The following MEI4 variants were observed in gnomAD, a reference collection of about 807,000 sequenced individuals.
MEI4 encodes meiosis-specific protein MEI4.
A neutral mutation model predicts 31.4 loss-of-function variants in MEI4; 27 were observed. The ratio of observed to expected loss-of-function variants is 0.86; its 90% CI spans 0.63 to 1.19. The LOEUF is 1.19. Among genes scored for constraint, MEI4 ranks in the 50% most tolerant of loss-of-function variants. The pLI, the probability that MEI4 is intolerant of heterozygous loss-of-function variation, is 0.00. For synonymous variants in MEI4, 122 were observed against 145.4 expected (o/e 0.84, Z 1.16); for missense variants, 329 against 398.9 (o/e 0.82, Z 1.49).
rs546179256 is a variant in MEI4, at chr6:77,710,338, G to A, written c.232+19435G>A. Among the ~76,000 whole-genome samples, 6 of 151,768 alleles carry A rather than the reference G, an allele frequency of 4.0e-5. No individual in the cohort carries two copies. In the East Asian group the frequency reaches 5.8e-4, roughly 15 times the overall value. On this transcript the variant is annotated intron_variant, in intron 2 of 4. Coordinates refer to ENST00000684080, the MANE Select transcript of MEI4 (RefSeq NM_001322247.2). ...AGAGATCAAGACCATCCTGGCCAACGTGGTGAAACCCCGTCTCTACTAAGA... is the reference window on the plus strand; with the variant it reads ...AGAGATCAAGACCATCCTGGCCAACATGGTGAAACCCCGTCTCTACTAAGA...
chr6:77,760,400 TG>T (rs1368491282), intron 2 of MEI4, among the ~76,000 whole-genome samples: 4 of 152,110 alleles, frequency 2.6e-5, no homozygotes, highest in Non-Finnish European at 4.4e-5. Flanking sequence ...CAGGATGAAT[TG>T]TAAATTCACT....
At chr6:77,667,773 G>T (rs905364851) in intron 1 of MEI4, among the ~76,000 whole-genome samples, 19 of 152,164 alleles carry the variant, frequency 1.2e-4, no homozygotes, top group African/African-American at 3.6e-4. Context: ...ATGGGGGAAG[G>T]ATGTATTCCT....
At chr6:77,713,180 C>A (rs1766505115) in intron 2 of MEI4, among the ~76,000 whole-genome samples, 1 of 152,072 alleles carries the variant, frequency 6.6e-6, no homozygotes, top group Non-Finnish European at 1.5e-5. Context: ...TACACACTCT[C>A]CTGTTCTGAA....
chr6:77,736,268 T>C (rs1767211131), intron 2 of MEI4, among the ~76,000 whole-genome samples: 1 of 151,880 alleles, frequency 6.6e-6, no homozygotes, highest in Non-Finnish European at 1.5e-5. Flanking sequence ...CTCAGAGGGC[T>C]GTGCTAGCAA....
intron 4 of MEI4, among the ~76,000 whole-genome samples, chr6:77,845,087 T>C (rs1196149186): frequency 1.3e-5 from 2 of 152,106 alleles, no homozygotes; most frequent in African/African-American, 4.8e-5. Flanking sequence ...CTACTGGTGG[T>C]GACTTTCGAT....
intron 4 of MEI4, among the ~76,000 whole-genome samples, chr6:77,883,717 G>GATAGATAGATAGATATATATAT (rs1554172067): frequency 2.3e-5 from 1 of 43,338 alleles, no homozygotes; most frequent in African/African-American, 1.9e-4. Context: ...TATTATGTAA[G>GATAGATAGATAGATATATATAT]ATATATATAT....
Position 77,761,140 on chromosome 6 carries a change from C to T in MEI4, c.243C>T (p.Ser81=). Residue 81 remains serine (S), a synonymous_variant, in exon 3 of 5, where the codon TCC becomes TCT. Transcript: ENST00000684080. ...TCCTTTATTTTTCAGGATACGTTTCCTCCCAGTTGGAGGCTCAGGAACCTA... is the reference window on the plus strand; with the variant it reads ...TCCTTTATTTTTCAGGATACGTTTCTTCCCAGTTGGAGGCTCAGGAACCTA... ...CSGSFKSGYV[S]SQLEAQEPKS... The T allele has an allele frequency of 8.1e-7, 1 of 1,231,918 alleles. No individual in the cohort carries two copies. The highest frequency in any genetic ancestry group is 1.6e-5 in the African/African-American group (1 of 64,496). The allele number at this position is 1,231,918 out of a possible 1,614,324, so 76.3% of individuals were successfully genotyped here.
At chr6:77,700,542 C>A (rs1967489) in intron 2 of MEI4, among the ~76,000 whole-genome samples, 113,442 of 152,156 alleles carry the variant, frequency 0.75, 42,603 homozygotes, top group East Asian at 0.86. Context: ...CTTGCGCTTC[C>A]CGAGTGAGGC....
chr6:77,740,253 G>A (rs528797516), intron 2 of MEI4, among the ~76,000 whole-genome samples: 16 of 152,182 alleles, frequency 1.1e-4, no homozygotes, highest in Non-Finnish European at 2.2e-4. Flanking sequence ...GTGCCATGTG[G>A]TGGCACATGA....
intron 4 of MEI4, among the ~76,000 whole-genome samples, chr6:77,868,094 G>A (rs1771093592): frequency 6.6e-6 from 1 of 151,784 alleles, no homozygotes; most frequent in Non-Finnish European, 1.5e-5. Flanking sequence ...AGGAGGGATA[G>A]CATTAGGAGA....
At chr6:77,733,252 G>T (rs1767066829) in intron 2 of MEI4, among the ~76,000 whole-genome samples, 1 of 151,980 alleles carries the variant, frequency 6.6e-6, no homozygotes, top group African/African-American at 2.4e-5. Context: ...GAATCCATCT[G>T]ATCCTGGACT....
At chr6:77,785,412 G>A (rs746347737) in intron 3 of MEI4, among the ~76,000 whole-genome samples, 7 of 151,982 alleles carry the variant, frequency 4.6e-5, no homozygotes, top group Non-Finnish European at 7.4e-5. Context: ...CATATTTTCC[G>A]TATTTGCAAT....
chr6:77,751,976 A>G (rs1767787067), intron 2 of MEI4, among the ~76,000 whole-genome samples: 1 of 152,174 alleles, frequency 6.6e-6, no homozygotes, highest in Admixed American at 6.6e-5. Context: ...TACACAAATC[A>G]ATAAACATAA....
At chr6:77,697,336 C>G (rs1422304445) in intron 2 of MEI4, among the ~76,000 whole-genome samples, 2 of 152,034 alleles carry the variant, frequency 1.3e-5, no homozygotes, top group African/African-American at 2.4e-5. Flanking sequence ...TCTTGCTTTT[C>G]TTGTTCTTTT....
intron 2 of MEI4, among the ~76,000 whole-genome samples, chr6:77,715,113 T>C (rs1766549955): frequency 2.0e-5 from 3 of 152,188 alleles, no homozygotes; most frequent in Admixed American, 2.0e-4. Flanking sequence ...TGTGAAATCA[T>C]TTATTCTGGT....
At chr6:77,902,876 C>A (rs1375720410) in intron 4 of MEI4, among the ~76,000 whole-genome samples, 1 of 152,066 alleles carries the variant, frequency 6.6e-6, no homozygotes, top group Non-Finnish European at 1.5e-5. Context: ...TGTATAAAAC[C>A]AAACTGTGTT....
chr6:77,851,547 A>G, intron 4 of MEI4, among the ~76,000 whole-genome samples: 1 of 147,888 alleles, frequency 6.8e-6, no homozygotes, highest in East Asian at 2.0e-4. Flanking sequence ...AAAACCAAAC[A>G]CCGCATGTTC....
Position 77,906,559 on chromosome 6 carries a change from T to C in MEI4, c.901-16530T>C, listed in dbSNP as rs551428664. Reference sequence around the variant, plus strand: ...TCACTACTAGGGTCCTTTCAGTCTTTTATTTTCCTGCTGGAGAAGTTGTAA... The same window carrying C: ...TCACTACTAGGGTCCTTTCAGTCTTCTATTTTCCTGCTGGAGAAGTTGTAA... On this transcript the variant is annotated intron_variant, in intron 4 of 4. Coordinates refer to ENST00000684080, the MANE Select transcript of MEI4 (RefSeq NM_001322247.2). Among the ~76,000 whole-genome samples the C allele has an allele frequency of 3.3e-5, 5 of 152,338 alleles. No individual in the cohort carries two copies. In the South Asian group the frequency reaches 8.3e-4, roughly 25 times the overall value.
chr6:77,901,889 G>C (rs796964742), intron 4 of MEI4, among the ~76,000 whole-genome samples: 10 of 152,110 alleles, frequency 6.6e-5, no homozygotes, highest in African/African-American at 2.2e-4. Flanking sequence ...TTTTGTATAT[G>C]GTGTGAGATG....
Sources: gnomAD v4.1 joint callset for allele counts (sites outside exome capture counted in the v4.1 genomes callset) on GRCh38, gnomAD v4.1.1 for gene constraint, MANE v1.5 for transcripts, NCBI Gene and HGNC (gene_info 2026-07-23, HGNC 2026-07-21) for gene names.